DPP6: variants seen among roughly 807,000 people sequenced by gnomAD.
DPP6 encodes the protein dipeptidyl peptidase like 6, also known as A-type potassium channel modulatory protein DPP6.
Under a neutral mutation model 122.6 loss-of-function variants are expected in DPP6, and 69 were observed. The ratio of observed to expected loss-of-function variants is 0.56; its 90% CI spans 0.46 to 0.69. The LOEUF (loss-of-function observed/expected upper bound fraction) is 0.69. DPP6 is among the 30% of genes least tolerant of loss of function. DPP6 has a pLI of 0.00. For missense variants in DPP6, 928 were observed against 1,116.9 expected, an observed-to-expected ratio of 0.83 and a Z score of 2.41; for synonymous variants, 418 against 433.1, an observed-to-expected ratio of 0.97 and a Z score of 0.43.
intron 3 of DPP6, among the ~76,000 whole-genome samples, chr7:154,525,616 GTCATA>G (rs1437434200): frequency 6.6e-6 from 1 of 152,190 alleles, no homozygotes; most frequent in Admixed American, 6.5e-5. Flanking sequence ...TGCAGTAACT[GTCATA>G]TGATTATCAG....
intron 1 of DPP6, among the ~76,000 whole-genome samples, chr7:154,351,976 G>C (rs546844698): frequency 6.6e-6 from 1 of 152,026 alleles, no homozygotes; most frequent in African/African-American, 2.4e-5. Context: ...GGCACTGGCC[G>C]ACCAGCCTGC....
intron 1 of DPP6, among the ~76,000 whole-genome samples, chr7:153,967,084 C>CAA (rs1411750192): frequency 6.9e-6 from 1 of 145,346 alleles, no homozygotes. Flanking sequence ...AACAAACAAA[C>CAA]ACAAAAGATA....
intron 5 of DPP6, among the ~76,000 whole-genome samples, chr7:154,592,906 G>A (rs961253250): frequency 6.6e-6 from 1 of 152,190 alleles, no homozygotes; most frequent in African/African-American, 2.4e-5. Flanking sequence ...AGAGGAGGGG[G>A]AACACAACTA....
At chr7:153,846,501 T>G in the DPP6 span, among the ~76,000 whole-genome samples, 1 of 152,094 alleles carries the variant, frequency 6.6e-6, no homozygotes, top group Non-Finnish European at 1.5e-5. Flanking sequence ...TATTTCCTTC[T>G]TTATGTGTCC....
Position 153,979,742 on chromosome 7 carries a change from T to A in DPP6, c.51+92008T>A, listed in dbSNP as rs554737732. Among the ~76,000 whole-genome samples, 3 of 152,324 alleles carry A rather than the reference T, an allele frequency of 2.0e-5. No individual in the cohort carries two copies. In the South Asian group the frequency reaches 6.2e-4, roughly 32 times the overall value. Reference sequence around the variant, plus strand: ...CCATCAATACCTAGTTTATTGAGTGTTTTTAGCATGAGGGGGTGTTGAATT... The same window carrying A: ...CCATCAATACCTAGTTTATTGAGTGATTTTAGCATGAGGGGGTGTTGAATT... On this transcript the variant is annotated intron_variant, in intron 1 of 25. Transcript: ENST00000404039.
intron 1 of DPP6, among the ~76,000 whole-genome samples, chr7:154,114,677 A>C (rs567658626): frequency 1.0e-3 from 156 of 152,298 alleles, no homozygotes; most frequent in African/African-American, 3.5e-3. Context: ...ACAGGTATAG[A>C]GCATTGGGAG....
At chr7:154,440,861 G>A (rs1195499493) in intron 1 of DPP6, among the ~76,000 whole-genome samples, 1 of 152,156 alleles carries the variant, frequency 6.6e-6, no homozygotes, top group Non-Finnish European at 1.5e-5. Flanking sequence ...CTGGACCTCA[G>A]CTGTCCCCGG....
chr7:154,053,566 T>A (rs1223664074), intron 1 of DPP6, among the ~76,000 whole-genome samples: 3 of 151,636 alleles, frequency 2.0e-5, no homozygotes, highest in Non-Finnish European at 2.9e-5. Context: ...ATGCCTCTCC[T>A]TCGTTCCTCT....
At chr7:154,016,858 C>G (rs2533845) in intron 1 of DPP6, among the ~76,000 whole-genome samples, 16 of 152,168 alleles carry the variant, frequency 1.1e-4, no homozygotes, top group East Asian at 1.9e-4. Context: ...GAAAACAGCA[C>G]TATGGAGGGA....
the DPP6 span, among the ~76,000 whole-genome samples, chr7:153,865,941 T>C: frequency 6.6e-6 from 1 of 152,084 alleles, no homozygotes; most frequent in African/African-American, 2.4e-5. Flanking sequence ...CTGAGAATGA[T>C]GGTTTCCAGC....
intron 7 of DPP6, among the ~76,000 whole-genome samples, chr7:154,711,894 T>G (rs547569783): frequency 2.6e-4 from 39 of 151,518 alleles, no homozygotes; most frequent in Non-Finnish European, 1.0e-4. Context: ...TGTAATTTAC[T>G]TTGAATTGGT....
At chr7:153,796,610 A>G in the DPP6 span, among the ~76,000 whole-genome samples, 1 of 152,178 alleles carries the variant, frequency 6.6e-6, no homozygotes, top group African/African-American at 2.4e-5. Context: ...TATGCTACAA[A>G]TATAATTTGT....
chr7:154,313,712 T>TATATATATGC (rs1554515587), intron 1 of DPP6, among the ~76,000 whole-genome samples: 254 of 24,892 alleles, frequency 0.01, 56 homozygotes, highest in Non-Finnish European at 0.018. Context: ...TATATATATA[T>TATATATATGC]ATACACACAC....
intron 5 of DPP6, among the ~76,000 whole-genome samples, chr7:154,619,345 T>C (rs1834484636): frequency 6.6e-6 from 1 of 152,250 alleles, no homozygotes; most frequent in Admixed American, 6.5e-5. Context: ...TATTGCTGCC[T>C]TGTCCTAAGC....
rs546024353 is a variant in DPP6, at chr7:154,063,221, G to A, written c.243+10158G>A. Among the ~76,000 whole-genome samples, 20 of 129,538 alleles carry A rather than the reference G, an allele frequency of 1.5e-4. 3 individuals carry two copies. Among genetic ancestry groups the A allele is most frequent in the African/African-American group, 5.4e-4 (19 of 35,252 alleles). The allele number at this position is 129,538 out of a possible 152,430, so 85.0% of individuals were successfully genotyped here. On this transcript the variant is annotated intron_variant, in intron 1 of 25. Coordinates refer to ENST00000377770, the MANE Select transcript of DPP6 (RefSeq NM_130797.4). ...GGGTTGGGGAGGCACCCCCCCGCGA[G>A]GCAGGGACTGAGAGCCAGCCCCTAT...
At chr7:153,954,080 C>T (rs545301038) in intron 1 of DPP6, among the ~76,000 whole-genome samples, 6 of 152,218 alleles carry the variant, frequency 3.9e-5, no homozygotes, top group South Asian at 2.1e-4. Context: ...AGATCTCCAT[C>T]GCTTCTATAA....
chr7:154,656,469 A>G (rs1039826324), intron 6 of DPP6, among the ~76,000 whole-genome samples: 1 of 152,052 alleles, frequency 6.6e-6, no homozygotes, highest in African/African-American at 2.4e-5. Context: ...CAGCCGCAGC[A>G]TGTGCAGGGA....
intron 2 of DPP6, among the ~76,000 whole-genome samples, chr7:154,462,267 T>G (rs987780675): frequency 2.0e-5 from 3 of 152,242 alleles, no homozygotes; most frequent in Non-Finnish European, 4.4e-5. Flanking sequence ...ACTATAGTTC[T>G]GTAGTATAAT....
intron 1 of DPP6, among the ~76,000 whole-genome samples, chr7:154,313,710 T>TATATATGC (rs1807138918): frequency 1.2e-4 from 2 of 16,190 alleles, no homozygotes; most frequent in Admixed American, 1.3e-3. Flanking sequence ...TATATATATA[T>TATATATGC]ATATACACAC....
Sources: allele counts gnomAD v4.1 joint callset (sites outside exome capture counted in the v4.1 genomes callset), GRCh38; gene constraint gnomAD v4.1.1; transcripts MANE v1.5; gene names NCBI Gene and HGNC (gene_info 2026-07-23, HGNC 2026-07-21).